Variants in DHRS12 observed in about 807,000 individuals in gnomAD.
The protein encoded by DHRS12 is dehydrogenase/reductase 12.
DHRS12 carries 29 observed loss-of-function variants against 32.1 expected under a neutral mutation model. The observed-to-expected ratio is 0.90, with a 90% CI of 0.67 to 1.23. DHRS12 has a LOEUF of 1.23. Ranked by LOEUF, DHRS12 falls within the 50% of genes most tolerant of loss-of-function variation. DHRS12 has a pLI of 0.00. For missense variants in DHRS12, 330 were observed against 337.2 expected (o/e 0.98, Z 0.17); for synonymous variants, 150 against 135.9 (o/e 1.10, Z -0.72).
the DHRS12 span, chr13:51,761,682 C>T: frequency 6.6e-6 from 1 of 152,246 alleles, no homozygotes; most frequent in Non-Finnish European, 1.5e-5. Flanking sequence ...GGAAGTACTA[C>T]AAGCTGTCCT....
chr13:51,776,065 AGTATTCTCCTACAT>A lies in DHRS12; in HGVS notation c.363+981_363+994del, dbSNP rs758246747. 518 of 95,512 alleles carry A rather than the reference AGTATTCTCCTACAT, an allele frequency of 5.4e-3. 79 individuals carry two copies. The highest frequency in any genetic ancestry group is 0.024 in the African/African-American group (487 of 20,058). The allele number at this position is 95,512 out of a possible 1,614,324, so 5.9% of individuals were successfully genotyped here. A position where few individuals can be genotyped will look rare whatever the true frequency, so the allele number is the denominator to read the frequency against. ...CAGTATTCTCCTACATGTATTCTAC[AGTATTCTCCTACAT>A]GTATTCTCCTACATGTATTCTACAG... On this transcript the variant is annotated intron_variant, in intron 5 of 8. Transcript: ENST00000444610.
At chr13:51,796,174 A>G (rs903698903) in intron 2 of DHRS12, among the ~76,000 whole-genome samples, 3 of 152,106 alleles carry the variant, frequency 2.0e-5, no homozygotes, top group Admixed American at 1.3e-4. Context: ...TCAGAGCCCA[A>G]CTCCCTCCTT....
chr13:51,771,248 T>G (rs772004504), intron 7 of DHRS12: 6 of 1,551,920 alleles, frequency 3.9e-6, no homozygotes, highest in Non-Finnish European at 5.2e-6. Flanking sequence ...TTCAGTTCCC[T>G]TGTTTGTAGA....
chr13:51,786,071 G>A (rs1433083090), intron 4 of DHRS12, among the ~76,000 whole-genome samples: 2 of 152,204 alleles, frequency 1.3e-5, no homozygotes, highest in African/African-American at 4.8e-5. Flanking sequence ...CTAGTTACTG[G>A]GATGTGCCCG....
the DHRS12 span, chr13:51,759,829 A>T: frequency 2.8e-6 from 3 of 1,088,092 alleles, no homozygotes; most frequent in South Asian, 5.3e-5. Flanking sequence ...TTTAACCCAA[A>T]TCATTACCAG....
intron 3 of DHRS12, 84 bp from the exon 4 acceptor site, chr13:51,790,176 C>T: frequency 9.9e-7 from 1 of 1,011,628 alleles, no homozygotes; most frequent in Non-Finnish European, 1.4e-6. Context: ...ACTACCCCAC[C>T]CCCAGCTCTT....
At chr13:51,768,384 C>A in intron 8 of DHRS12, 88 bp from the exon 9 acceptor site, 2 of 1,516,828 alleles carry the variant, frequency 1.3e-6, no homozygotes, top group Non-Finnish European at 1.8e-6. Context: ...CTTGAACCGA[C>A]GCCTGCTGGA....
rs1953832249 is a variant in DHRS12, at chr13:51,768,101, T to TG, written c.*85dup. ...CAACGTCTTCGAGGGGAAGTTGAAG[T>TG]GGGGTCTTCTTATTCACTGGTCCCT... On this transcript the variant is annotated 3_prime_UTR_variant, in exon 9 of 9. Transcript: ENST00000444610. The TG allele has an allele frequency of 6.6e-7, 1 of 1,504,586 alleles. No individual in the cohort carries two copies. Among genetic ancestry groups the TG allele is most frequent in the Non-Finnish European group, 8.8e-7 (1 of 1,131,836 alleles). 93.2% of individuals were successfully genotyped at this position (1,504,586 alleles called of 1,614,324 possible).
intron 6 of DHRS12, chr13:51,773,064 A>G: frequency 1.0e-6 from 1 of 985,450 alleles, no homozygotes; most frequent in Non-Finnish European, 1.2e-6. Flanking sequence ...CAAGAACTGT[A>G]AATATGGAAG....
chr13:51,771,027 C>A (rs895569284), intron 7 of DHRS12: 1 of 1,424,834 alleles, frequency 7.0e-7, no homozygotes, highest in African/African-American at 1.4e-5. Context: ...TGTGTGAGAG[C>A]CTGATTCCCA....
chr13:51,797,310 C>T (rs376671163), intron 2 of DHRS12, among the ~76,000 whole-genome samples: 1 of 151,916 alleles, frequency 6.6e-6, no homozygotes, highest in Admixed American at 6.6e-5. Context: ...CATTTTGCAC[C>T]GAGCCCCACT....
chr13:51,776,069 T>G, intron 5 of DHRS12: 1 of 98,100 alleles, frequency 1.0e-5, no homozygotes, highest in African/African-American at 4.8e-5. Context: ...TTCTACAGTA[T>G]TCTCCTACAT....
chr13:51,802,272 G>A (rs1388007946), intron 1 of DHRS12, among the ~76,000 whole-genome samples: 1 of 151,814 alleles, frequency 6.6e-6, no homozygotes, highest in Non-Finnish European at 1.5e-5. Flanking sequence ...CCCAGCCTCG[G>A]TGCCAAAGGG....
At chr13:51,797,487 C>T (rs1387016958) in intron 2 of DHRS12, among the ~76,000 whole-genome samples, 2 of 152,146 alleles carry the variant, frequency 1.3e-5, no homozygotes, top group African/African-American at 4.8e-5. Context: ...CCGTGGCACC[C>T]GGGTGACCCT....
At chr13:51,787,930 CTTATATAT>C (rs1955067174) in intron 4 of DHRS12, among the ~76,000 whole-genome samples, 1 of 19,110 alleles carries the variant, frequency 5.2e-5, no homozygotes, top group Non-Finnish European at 1.4e-4. Context: ...ATAATATATA[CTTATATAT>C]ATAATTATAT....
intron 4 of DHRS12, among the ~76,000 whole-genome samples, chr13:51,783,843 T>C (rs1954832028): frequency 6.6e-6 from 1 of 152,250 alleles, no homozygotes; most frequent in Non-Finnish European, 1.5e-5. Flanking sequence ...TGCCTTTTTA[T>C]TGCTGAATTG....
At chr13:51,780,869 A>G (rs1012934406) in intron 4 of DHRS12, among the ~76,000 whole-genome samples, 2 of 152,230 alleles carry the variant, frequency 1.3e-5, no homozygotes. Flanking sequence ...TTAATGAGAA[A>G]AATATATTGC....
At chr13:51,803,833 G>C in intron 1 of DHRS12, 1 of 369,996 alleles carries the variant, frequency 2.7e-6, no homozygotes, top group Non-Finnish European at 4.7e-6. Context: ...CCCCTCGGGC[G>C]CCAGTCTCGG....
chr13:51,801,673 C>T lies in DHRS12; in HGVS notation c.-8-2006G>A, dbSNP rs75675548. On this transcript the variant is annotated intron_variant, in intron 1 of 8. Transcript: ENST00000444610. ...CTGGAATCTCTGTGAAAGGCTTTTCCGGTAGAGGCAAGGGCCTGAGTCAAT... is the reference window on the plus strand; with the variant it reads ...CTGGAATCTCTGTGAAAGGCTTTTCTGGTAGAGGCAAGGGCCTGAGTCAAT... Among the ~76,000 whole-genome samples the T allele has an allele frequency of 6.2e-3, 945 of 152,228 alleles. 5 individuals are homozygous for T. Among genetic ancestry groups the T allele is most frequent in the African/African-American group, 0.022 (905 of 41,516 alleles).
Sources: gnomAD v4.1 joint callset for allele counts (sites outside exome capture counted in the v4.1 genomes callset) on GRCh38, gnomAD v4.1.1 for gene constraint, MANE v1.5 for transcripts, NCBI Gene and HGNC (gene_info 2026-07-23, HGNC 2026-07-21) for gene names.